TMEM117: variants seen among roughly 807,000 people sequenced by gnomAD.
TMEM117 encodes the protein transmembrane protein 117.
TMEM117 carries 27 observed loss-of-function variants against 52.4 expected under a neutral mutation model. That is an observed-to-expected ratio of 0.51 (90% CI 0.38 to 0.71). The LOEUF is 0.71. TMEM117 is among the 30% of genes least tolerant of loss of function. TMEM117 has a pLI of 0.00. For synonymous variants in TMEM117, 215 were observed against 206.3 expected (o/e 1.04, Z -0.36); for missense variants, 556 against 630.5 (o/e 0.88, Z 1.26).
chr12:44,293,949 CA>C (rs1300968434), intron 5 of TMEM117, among the ~76,000 whole-genome samples: 1 of 152,070 alleles, frequency 6.6e-6, no homozygotes, highest in African/African-American at 2.4e-5. Flanking sequence ...TTCAATTTAG[CA>C]TTAAGTTCTA....
At chr12:43,878,277 A>T (rs911164822) in intron 2 of TMEM117, among the ~76,000 whole-genome samples, 5 of 152,136 alleles carry the variant, frequency 3.3e-5, no homozygotes, top group African/African-American at 4.8e-5. Context: ...TTTTATAGTT[A>T]GCTTAATTGG....
chr12:44,061,786 T>C (rs772566257), intron 3 of TMEM117, among the ~76,000 whole-genome samples: 2 of 152,066 alleles, frequency 1.3e-5, no homozygotes, highest in Non-Finnish European at 1.5e-5. Flanking sequence ...AAGATTAGGA[T>C]AGTTGAGGTA....
At chr12:43,950,979 G>A (rs1229537426) in intron 3 of TMEM117, among the ~76,000 whole-genome samples, 1 of 152,156 alleles carries the variant, frequency 6.6e-6, no homozygotes, top group Non-Finnish European at 1.5e-5. Context: ...TGGCTAGGCA[G>A]TGGGTGCGCC....
At position 44,380,187 on chromosome 12, in the gene TMEM117, C is replaced by T. The variant is rs550222779; in HGVS notation, c.898+3463C>T. Among the ~76,000 whole-genome samples the T allele has an allele frequency of 1.1e-4, 17 of 152,200 alleles. No homozygotes were observed. In the South Asian group the frequency reaches 3.5e-3, roughly 32 times the overall value. ...AAAGCCAAGGGGTAGAATGCAAATT[C>T]AATAGCAGTGGGATGACCAGGGAGA... On this transcript the variant is annotated intron_variant, in intron 7 of 7. Transcript: ENST00000266534.
chr12:44,103,566 C>CT (rs966821471), intron 3 of TMEM117, among the ~76,000 whole-genome samples: 4 of 151,942 alleles, frequency 2.6e-5, no homozygotes, highest in African/African-American at 9.7e-5. Flanking sequence ...TCCTCTATTA[C>CT]TTTTTTTCAG....
intron 2 of TMEM117, among the ~76,000 whole-genome samples, chr12:43,863,467 C>T (rs1036990775): frequency 6.6e-6 from 1 of 152,094 alleles, no homozygotes; most frequent in East Asian, 1.9e-4. Flanking sequence ...AAAGATCAGA[C>T]TATTACGCAT....
chr12:44,228,958 A>C (rs1320812857), intron 5 of TMEM117, among the ~76,000 whole-genome samples: 2 of 152,156 alleles, frequency 1.3e-5, no homozygotes, highest in Non-Finnish European at 2.9e-5. Context: ...ATAGGAAGGC[A>C]GTACAATAAA....
At chr12:43,809,155 C>T in the TMEM117 span, among the ~76,000 whole-genome samples, 1 of 152,126 alleles carries the variant, frequency 6.6e-6, no homozygotes, top group Non-Finnish European at 1.5e-5. Context: ...TTAATGTGAG[C>T]AGTATACATG....
intron 2 of TMEM117, among the ~76,000 whole-genome samples, chr12:43,896,644 C>T (rs1675790): frequency 0.72 from 108,670 of 151,638 alleles, 42,021 homozygotes; most frequent in East Asian, 0.87. Flanking sequence ...TTGTGGTCCA[C>T]ACTTCCTATA....
intron 3 of TMEM117, among the ~76,000 whole-genome samples, chr12:44,103,637 T>C (rs1947901767): frequency 2.0e-5 from 3 of 152,044 alleles, no homozygotes; most frequent in African/African-American, 4.8e-5. Flanking sequence ...TTTACTGAGA[T>C]TGGCTCCTCA....
the TMEM117 span, among the ~76,000 whole-genome samples, chr12:43,829,893 G>A: frequency 1.3e-5 from 2 of 152,040 alleles, no homozygotes; most frequent in African/African-American, 2.4e-5. Flanking sequence ...TTTGAGACCA[G>A]CCTGACCAAC....
intron 3 of TMEM117, among the ~76,000 whole-genome samples, chr12:44,086,957 A>C (rs1289845252): frequency 6.8e-6 from 1 of 147,546 alleles, no homozygotes; most frequent in African/African-American, 2.5e-5. Flanking sequence ...TATAATATAT[A>C]ATTAATAATT....
intron 5 of TMEM117, among the ~76,000 whole-genome samples, chr12:44,274,276 T>A (rs753819587): frequency 9.2e-5 from 14 of 152,008 alleles, no homozygotes; most frequent in Non-Finnish European, 1.5e-4. Context: ...TAATGAAAAC[T>A]ATAAAACACT....
intron 2 of TMEM117, among the ~76,000 whole-genome samples, chr12:43,863,836 G>T (rs563966043): frequency 1.3e-5 from 2 of 152,230 alleles, no homozygotes; most frequent in African/African-American, 4.8e-5. Flanking sequence ...TGCACCATGG[G>T]AGCCCTTCTC....
intron 2 of TMEM117, among the ~76,000 whole-genome samples, chr12:43,916,091 A>C (rs1443935087): frequency 6.6e-6 from 1 of 152,140 alleles, no homozygotes; most frequent in Non-Finnish European, 1.5e-5. Flanking sequence ...TTTTCCAGCC[A>C]CATTTTGAGC....
At chr12:44,018,551 T>C (rs1428311814) in intron 3 of TMEM117, among the ~76,000 whole-genome samples, 2 of 152,142 alleles carry the variant, frequency 1.3e-5, no homozygotes, top group Non-Finnish European at 1.5e-5. Context: ...AAACTAACTT[T>C]TTGCACTGTT....
chr12:44,017,362 G>C (rs1330902526), intron 3 of TMEM117, among the ~76,000 whole-genome samples: 2 of 137,964 alleles, frequency 1.4e-5, no homozygotes, highest in Non-Finnish European at 3.1e-5. Flanking sequence ...GAGACAGATG[G>C]TATTTTTTTC....
the TMEM117 span, among the ~76,000 whole-genome samples, chr12:43,830,686 G>A: frequency 3.3e-5 from 5 of 151,854 alleles, no homozygotes; most frequent in South Asian, 1.0e-3. Flanking sequence ...GCCAAGGCTA[G>A]GTGAACCAGT....
At chr12:43,807,727 C>T in the TMEM117 span, among the ~76,000 whole-genome samples, 1 of 152,020 alleles carries the variant, frequency 6.6e-6, no homozygotes, top group African/African-American at 2.4e-5. Context: ...AGAGGAATGT[C>T]TAGTTAGGTT....
Sources: allele counts gnomAD v4.1 joint callset (sites outside exome capture counted in the v4.1 genomes callset), GRCh38; gene constraint gnomAD v4.1.1; transcripts MANE v1.5; gene names NCBI Gene and HGNC (gene_info 2026-07-23, HGNC 2026-07-21).